Variants in PCDHA9 observed in about 807,000 individuals in gnomAD.
PCDHA9 encodes protocadherin alpha-9.
In PCDHA9, 62 loss-of-function variants were observed where a neutral mutation model predicts 62.0. The ratio of observed to expected loss-of-function variants is 1.00; its 90% CI spans 0.81 to 1.23. The LOEUF (loss-of-function observed/expected upper bound fraction) is 1.23. PCDHA9 is among the 50% of genes most tolerant of loss of function. PCDHA9 has a pLI of 0.00. For synonymous variants in PCDHA9, 557 were observed against 567.6 expected (o/e 0.98, Z 0.27); for missense variants, 1,205 against 1,249.8 (o/e 0.96, Z 0.54).
intron 1 of PCDHA9, chr5:140,855,859 C>T: frequency 1.4e-6 from 1 of 728,300 alleles, no homozygotes; most frequent in Non-Finnish European, 2.2e-6. Flanking sequence ...CCGGATGTCG[C>T]TGTCGTCCAC....
chr5:140,928,622 G>C, intron 1 of PCDHA9: 1 of 1,614,226 alleles, frequency 6.2e-7, no homozygotes, highest in South Asian at 1.1e-5. Flanking sequence ...GCCAGGACTG[G>C]ACACTTGGTC....
In PCDHA9 at chr5:141,005,428, G is replaced by T. The variant is rs907211430; in HGVS notation, c.2543-4199G>T. On this transcript the variant is annotated intron_variant, in intron 3 of 3. Transcript: ENST00000532602. ...AGAGTGAGGAGTCATGCTAAGAATG[G>T]ATGAGAGGCTCACGCCTGTAATCCC... Among the ~76,000 whole-genome samples, 21 of 152,154 alleles carry T rather than the reference G, an allele frequency of 1.4e-4. 1 individual carries two copies. The highest frequency in any genetic ancestry group is 1.2e-3 in the Admixed American group (19 of 15,266).
chr5:140,967,019 C>T (rs887648506), intron 1 of PCDHA9: 1 of 1,607,542 alleles, frequency 6.2e-7, no homozygotes, highest in Non-Finnish European at 8.5e-7. Flanking sequence ...TCTGGGTGCG[C>T]CCAGTCCGCG....
intron 1 of PCDHA9, among the ~76,000 whole-genome samples, chr5:140,953,053 T>G (rs1475683860): frequency 2.0e-5 from 3 of 152,142 alleles, no homozygotes; most frequent in African/African-American, 7.2e-5. Flanking sequence ...TCCAATCACC[T>G]CTCACAGGCC....
At chr5:141,006,238 G>T (rs1298883912) in intron 3 of PCDHA9, among the ~76,000 whole-genome samples, 1 of 151,428 alleles carries the variant, frequency 6.6e-6, no homozygotes, top group East Asian at 1.9e-4. Flanking sequence ...TTTAGATGGA[G>T]TCTTGCTCTG....
intron 1 of PCDHA9, among the ~76,000 whole-genome samples, chr5:140,914,423 G>T (rs1293093692): frequency 3.3e-5 from 5 of 152,086 alleles, no homozygotes; most frequent in African/African-American, 1.2e-4. Context: ...CCATTAGCAA[G>T]GAATATCTTT....
At chr5:140,984,942 A>C (rs1263555467) in intron 3 of PCDHA9, among the ~76,000 whole-genome samples, 1 of 151,954 alleles carries the variant, frequency 6.6e-6, no homozygotes, top group Admixed American at 6.6e-5. Context: ...ATAAATGTCT[A>C]ATCTTTTTTT....
At chr5:140,979,052 G>T (rs2096833352) in intron 2 of PCDHA9, 45 bp downstream of exon 2, 1 of 1,609,668 alleles carries the variant, frequency 6.2e-7, no homozygotes, top group Non-Finnish European at 8.5e-7. Context: ...CCTTAACTTG[G>T]TATGGCTCAG....
chr5:140,999,183 AG>A (rs1233229901), intron 3 of PCDHA9, among the ~76,000 whole-genome samples: 2 of 152,200 alleles, frequency 1.3e-5, no homozygotes, highest in East Asian at 1.9e-4. Flanking sequence ...TGATGGGGAG[AG>A]GGTCCTTGGA....
At chr5:140,872,058 C>T (rs2053466493) in intron 1 of PCDHA9, among the ~76,000 whole-genome samples, 1 of 152,212 alleles carries the variant, frequency 6.6e-6, no homozygotes, top group African/African-American at 2.4e-5. Flanking sequence ...CTTCAGCCTC[C>T]AGAGTAGCTG....
At chr5:140,984,980 C>T (rs1206801991) in intron 3 of PCDHA9, among the ~76,000 whole-genome samples, 1 of 152,092 alleles carries the variant, frequency 6.6e-6, no homozygotes, top group African/African-American at 2.4e-5. Context: ...CTCTGTCCCC[C>T]AGGCTGGAGT....
chr5:140,914,020 C>T (rs2076562854), intron 1 of PCDHA9, among the ~76,000 whole-genome samples: 1 of 152,036 alleles, frequency 6.6e-6, no homozygotes, highest in African/African-American at 2.4e-5. Context: ...GAGAATGATC[C>T]ACGTGCTGAG....
intron 1 of PCDHA9, among the ~76,000 whole-genome samples, chr5:140,960,972 T>C (rs936519951): frequency 6.6e-6 from 1 of 152,188 alleles, no homozygotes; most frequent in South Asian, 2.1e-4. Flanking sequence ...GCAGTTGCAA[T>C]TCTTGTTCCA....
intron 1 of PCDHA9, chr5:140,863,349 G>T: frequency 7.7e-7 from 1 of 1,302,266 alleles, no homozygotes. Flanking sequence ...TGCTGTACAC[G>T]ACGCTGCGGT....
chr5:140,886,097 A>G (rs1341108712), intron 1 of PCDHA9, among the ~76,000 whole-genome samples: 1 of 152,214 alleles, frequency 6.6e-6, no homozygotes, highest in Non-Finnish European at 1.5e-5. Context: ...ATTGACATTG[A>G]TACAGTAAAG....
chr5:140,904,555 C>CT (rs569725486), intron 1 of PCDHA9, among the ~76,000 whole-genome samples: 13 of 151,744 alleles, frequency 8.6e-5, no homozygotes, highest in Middle Eastern at 3.4e-3. Flanking sequence ...CATATAATGA[C>CT]TTTTTTTTCC....
intron 1 of PCDHA9, among the ~76,000 whole-genome samples, chr5:140,937,575 T>C (rs111558133): frequency 1.8e-3 from 268 of 149,140 alleles, no homozygotes; most frequent in African/African-American, 6.4e-3. Context: ...TGGGATCGCG[T>C]CACTGCACTC....
intron 1 of PCDHA9, among the ~76,000 whole-genome samples, chr5:140,937,823 A>T (rs2091776135): frequency 6.6e-6 from 1 of 151,692 alleles, no homozygotes; most frequent in Admixed American, 6.6e-5. Context: ...GAGGCAGGAG[A>T]ATGGCATGAA....
At chr5:140,907,071 C>T (rs1220660624) in intron 1 of PCDHA9, among the ~76,000 whole-genome samples, 1 of 152,156 alleles carries the variant, frequency 6.6e-6, no homozygotes, top group African/African-American at 2.4e-5. Flanking sequence ...TAGTGGGTCA[C>T]TAGGGGTGAT....
Sources: gnomAD v4.1 joint callset for allele counts (sites outside exome capture counted in the v4.1 genomes callset) on GRCh38, gnomAD v4.1.1 for gene constraint, MANE v1.5 for transcripts, NCBI Gene and HGNC (gene_info 2026-07-23, HGNC 2026-07-21) for gene names.